The following KSR2 variants were observed in gnomAD, a reference collection of about 807,000 sequenced individuals.
The protein encoded by KSR2 is kinase suppressor of ras 2.
A neutral mutation model predicts 107.8 loss-of-function variants in KSR2; 25 were observed. The ratio of observed to expected loss-of-function variants is 0.23; its 90% CI spans 0.17 to 0.32. The LOEUF is 0.32. KSR2 is among the 10% of genes least tolerant of loss of function. The probability of loss-of-function intolerance (pLI) is 1.00; values close to 1 mark genes in which losing one functional copy is unlikely to be tolerated. For synonymous variants in KSR2, 480 were observed against 507.0 expected (o/e 0.95, Z 0.71); for missense variants, 887 against 1,268.9 (o/e 0.70, Z 4.57).
chr12:117,902,993 G>A (rs1252111269), intron 1 of KSR2, among the ~76,000 whole-genome samples: 1 of 152,148 alleles, frequency 6.6e-6, no homozygotes, highest in Non-Finnish European at 1.5e-5. Context: ...TTACTTCATA[G>A]GGCTTAATGA....
intron 3 of KSR2, among the ~76,000 whole-genome samples, chr12:117,847,024 G>A (rs1047033736): frequency 3.9e-5 from 6 of 152,242 alleles, no homozygotes; most frequent in Non-Finnish European, 4.4e-5. Flanking sequence ...GCTCGTAAGC[G>A]AGAGTCCTAA....
chr12:117,489,671 C>A (rs1055045280), intron 14 of KSR2, among the ~76,000 whole-genome samples: 4 of 152,026 alleles, frequency 2.6e-5, no homozygotes, highest in African/African-American at 9.7e-5. Context: ...TTTCTAAAGT[C>A]TTTACCCAGT....
chr12:117,655,166 G>A (rs151258673), intron 5 of KSR2, among the ~76,000 whole-genome samples: 1,889 of 152,304 alleles, frequency 0.012, 35 homozygotes, highest in African/African-American at 0.044. Context: ...CCAGATATGG[G>A]TTTGCCTCTC....
chr12:117,763,747 C>CA (rs1484300049), intron 3 of KSR2, among the ~76,000 whole-genome samples: 1 of 152,160 alleles, frequency 6.6e-6, no homozygotes. Context: ...ATTGAATGTT[C>CA]ATTTCTCAAA....
chr12:117,550,387 C>T (rs1309061610), intron 9 of KSR2, among the ~76,000 whole-genome samples: 4 of 152,210 alleles, frequency 2.6e-5, no homozygotes, highest in Non-Finnish European at 5.9e-5. Context: ...ATTGCTCTCC[C>T]ATGGACACTT....
intron 1 of KSR2, among the ~76,000 whole-genome samples, chr12:117,931,702 T>C (rs918067936): frequency 7.2e-5 from 11 of 152,132 alleles, no homozygotes; most frequent in African/African-American, 2.7e-4. Context: ...ATAGGAACAA[T>C]ACAACCAGAA....
chr12:117,682,388 C>T (rs1467664145), intron 4 of KSR2, among the ~76,000 whole-genome samples: 1 of 152,094 alleles, frequency 6.6e-6, no homozygotes, highest in Non-Finnish European at 1.5e-5. Flanking sequence ...ATGTGACAAA[C>T]CTGCATGTCC....
intron 18 of KSR2, 94 bp from the exon 19 acceptor site, chr12:117,469,889 C>T (rs1015922551): frequency 1.6e-6 from 2 of 1,241,270 alleles, no homozygotes; most frequent in African/African-American, 1.5e-5. Flanking sequence ...GTCCACTCAT[C>T]TGCCCCATTT....
intron 10 of KSR2, among the ~76,000 whole-genome samples, chr12:117,537,565 T>A (rs914978883): frequency 6.6e-6 from 1 of 152,216 alleles, no homozygotes; most frequent in Non-Finnish European, 1.5e-5. Flanking sequence ...ATGAGAACAC[T>A]GAGGCCCAGA....
At chr12:117,793,383 C>T (rs2136984987) in intron 3 of KSR2, among the ~76,000 whole-genome samples, 1 of 145,490 alleles carries the variant, frequency 6.9e-6, no homozygotes, top group African/African-American at 2.6e-5. Flanking sequence ...ACACACACCA[C>T]TGTGCACCCA....
intron 1 of KSR2, among the ~76,000 whole-genome samples, chr12:117,927,069 T>C (rs1034789516): frequency 2.0e-5 from 3 of 152,218 alleles, no homozygotes; most frequent in Admixed American, 1.3e-4. Flanking sequence ...CATTATATAA[T>C]TTTTTTAAAA....
chr12:117,923,106 G>T (rs528248382), intron 1 of KSR2, among the ~76,000 whole-genome samples: 2 of 152,284 alleles, frequency 1.3e-5, no homozygotes, highest in South Asian at 2.1e-4. Flanking sequence ...AGCTCAAAAA[G>T]GCTGGAATGT....
chr12:117,920,037 T>C (rs1895293974), intron 1 of KSR2, among the ~76,000 whole-genome samples: 1 of 152,162 alleles, frequency 6.6e-6, no homozygotes, highest in Non-Finnish European at 1.5e-5. Flanking sequence ...CCAAAATACA[T>C]GAAATTAAAA....
chr12:117,538,705 G>A (rs1455069087), intron 10 of KSR2, among the ~76,000 whole-genome samples: 1 of 152,218 alleles, frequency 6.6e-6, no homozygotes, highest in Non-Finnish European at 1.5e-5. Context: ...AATGTGGCTA[G>A]TGTAACCGAT....
chr12:117,537,272 G>A (rs1434344039), intron 10 of KSR2, among the ~76,000 whole-genome samples: 8 of 152,050 alleles, frequency 5.3e-5, no homozygotes. Flanking sequence ...TTCCCCAAAT[G>A]TTGAGTTCAG....
chr12:117,952,723 C>T (rs1896398526), intron 1 of KSR2, among the ~76,000 whole-genome samples: 1 of 151,912 alleles, frequency 6.6e-6, no homozygotes, highest in Non-Finnish European at 1.5e-5. Context: ...GCGGCTCACA[C>T]CTGAAATCCC....
At chr12:117,640,119 T>C (rs1309844001) in intron 5 of KSR2, among the ~76,000 whole-genome samples, 2 of 152,150 alleles carry the variant, frequency 1.3e-5, no homozygotes, top group Non-Finnish European at 2.9e-5. Context: ...ATGCATTCCA[T>C]CATGGCCAAC....
intron 5 of KSR2, among the ~76,000 whole-genome samples, chr12:117,638,851 G>A (rs1378751263): frequency 6.6e-6 from 1 of 151,870 alleles, no homozygotes; most frequent in Non-Finnish European, 1.5e-5. Flanking sequence ...AAATTTAAGG[G>A]GATATCCAAA....
rs147733914 is a variant in KSR2 at position 117,907,761 on chromosome 12, C to T, written c.181-47330G>A. ...TATCTGAAGGGGGCAATTGTAACCA[C>T]GTCAATTTTTTTAGGTTTTTTTTTT... On this transcript the variant is annotated intron_variant, in intron 1 of 19. Coordinates refer to ENST00000339824, the MANE Select transcript of KSR2 (RefSeq NM_173598.6). The surrounding 1 kb of genome is among the most constrained non-coding windows in gnomAD (Gnocchi z 4.3). Among the ~76,000 whole-genome samples the T allele has an allele frequency of 1.5e-3, 231 of 152,046 alleles. 2 individuals are homozygous for T. The highest frequency in any genetic ancestry group is 5.4e-3 in the African/African-American group (222 of 41,476).
Sources: gnomAD v4.1 joint callset for allele counts (sites outside exome capture counted in the v4.1 genomes callset) on GRCh38, gnomAD v4.1.1 for gene constraint, Gnocchi (gnomAD v3.1) non-coding constraint, MANE v1.5 for transcripts, NCBI Gene and HGNC (gene_info 2026-07-23, HGNC 2026-07-21) for gene names.